Variants in RFX8 observed in about 807,000 individuals in gnomAD.
RFX8 encodes the protein DNA-binding protein RFX8.
Under a neutral mutation model 54.6 loss-of-function variants are expected in RFX8, and 46 were observed. That is an observed-to-expected ratio of 0.84 (90% CI 0.67 to 1.08). The LOEUF (loss-of-function observed/expected upper bound fraction) is 1.08. RFX8 is among the 50% of genes least tolerant of loss of function. The pLI, the probability that RFX8 is intolerant of heterozygous loss-of-function variation, is 0.00. For missense variants in RFX8, 536 were observed against 562.3 expected (o/e 0.95, Z 0.47); for synonymous variants, 192 against 209.5 (o/e 0.92, Z 0.72).
intron 4 of RFX8, among the ~76,000 whole-genome samples, chr2:101,420,260 G>C (rs1686785945): frequency 6.6e-6 from 1 of 152,082 alleles, no homozygotes; most frequent in Non-Finnish European, 1.5e-5. Context: ...ATAAAATCTA[G>C]GCTGGGCGCG....
chr2:101,466,304 T>C (rs1689569893), intron 2 of RFX8, among the ~76,000 whole-genome samples: 1 of 98,302 alleles, frequency 1.0e-5, no homozygotes, highest in South Asian at 3.8e-4. Context: ...GGAAATTCTA[T>C]CTCGGAAAAA....
chr2:101,451,689 C>A (rs1394176300), intron 2 of RFX8, among the ~76,000 whole-genome samples: 203 of 111,566 alleles, frequency 1.8e-3, no homozygotes, highest in African/African-American at 2.5e-3. Flanking sequence ...AACTCCGTCT[C>A]AAAAAAAAAA....
chr2:101,401,176 G>A (rs904120816), intron 11 of RFX8, among the ~76,000 whole-genome samples: 3 of 152,172 alleles, frequency 2.0e-5, no homozygotes, highest in East Asian at 1.9e-4. Flanking sequence ...AGCTGGATAC[G>A]TGACTTACTA....
intron 6 of RFX8, among the ~76,000 whole-genome samples, chr2:101,416,893 C>A (rs1185280100): frequency 6.6e-6 from 1 of 152,102 alleles, no homozygotes; most frequent in Admixed American, 6.6e-5. Flanking sequence ...TGCCTGGCAG[C>A]CAGACAGAAG....
chr2:101,467,338 G>T (rs370252188), intron 1 of RFX8, among the ~76,000 whole-genome samples: 2 of 152,126 alleles, frequency 1.3e-5, no homozygotes, highest in African/African-American at 2.4e-5. Flanking sequence ...GCAGGTGACC[G>T]CAGGGGCCAG....
intron 2 of RFX8, among the ~76,000 whole-genome samples, chr2:101,455,063 T>G (rs1573466505): frequency 6.6e-6 from 1 of 151,566 alleles, no homozygotes; most frequent in South Asian, 2.1e-4. Flanking sequence ...TGCCGTGGAG[T>G]GCAATGGCAC....
chr2:101,422,526 G>A, intron 2 of RFX8, 54 bp from the exon 3 acceptor site: 1 of 1,093,902 alleles, frequency 9.1e-7, no homozygotes, highest in Non-Finnish European at 1.4e-6. Context: ...ACTTTTTTTG[G>A]CATATAAATC....
chr2:101,465,934 C>T (rs957762566), intron 2 of RFX8, among the ~76,000 whole-genome samples: 4 of 152,122 alleles, frequency 2.6e-5, no homozygotes, highest in Non-Finnish European at 4.4e-5. Context: ...AAAGGGAAGA[C>T]AGGGAGAGGT....
chr2:101,438,651 C>T (rs1687916019), intron 2 of RFX8, among the ~76,000 whole-genome samples: 1 of 152,186 alleles, frequency 6.6e-6, no homozygotes, highest in Non-Finnish European at 1.5e-5. Flanking sequence ...TAATAAGAAA[C>T]TGCCAAACTG....
chr2:101,462,665 A>G (rs1392438930), intron 2 of RFX8, among the ~76,000 whole-genome samples: 1 of 75,426 alleles, frequency 1.3e-5, no homozygotes, highest in African/African-American at 4.8e-5. Flanking sequence ...AATAGGTACT[A>G]TTATTAATAT....
chr2:101,432,117 G>T (rs1687519214), intron 2 of RFX8, among the ~76,000 whole-genome samples: 1 of 152,144 alleles, frequency 6.6e-6, no homozygotes, highest in South Asian at 2.1e-4. Context: ...GAATGGCAAG[G>T]CTGTCTCTTT....
chr2:101,400,816 A>T (rs192245202), intron 11 of RFX8, among the ~76,000 whole-genome samples: 1 of 152,278 alleles, frequency 6.6e-6, no homozygotes, highest in East Asian at 1.9e-4. Context: ...AATGCTCCAG[A>T]GTACACTCAG....
chr2:101,410,835 G>A (rs1214497142), intron 8 of RFX8, 122 bp from the exon 9 acceptor site: 2 of 615,730 alleles, frequency 3.2e-6, no homozygotes, highest in South Asian at 2.0e-5. Context: ...GGACTCCCCA[G>A]GGCCTCATGC....
intron 4 of RFX8, among the ~76,000 whole-genome samples, chr2:101,419,401 G>C (rs1220543641): frequency 6.6e-6 from 1 of 152,170 alleles, no homozygotes; most frequent in Admixed American, 6.5e-5. Context: ...TTGCCATCAA[G>C]TTAGAAGTCA....
Position 101,417,741 on chromosome 2 carries a change from G to A in RFX8, c.352-57C>T, listed in dbSNP as rs565025939. The A allele has an allele frequency of 3.6e-5, 51 of 1,400,394 alleles. No homozygotes were observed. The African/African-American group carries it at 6.8e-4, about 19-fold the overall frequency. 86.7% of individuals were successfully genotyped at this position (1,400,394 alleles called of 1,614,324 possible). On this transcript the variant is annotated intron_variant, in intron 5 of 11. Transcript: ENST00000428343. ...TGCTGATGGTGCAGGTGTGGCTGAA[G>A]CTTATGCATGCCACAGGGACAGGGC... is the stretch of plus-strand genomic sequence containing the variant.
At position 101,466,811 on chromosome 2, in the gene RFX8, G is replaced by A. The variant is rs564114502; in HGVS notation, c.38C>T (p.Thr13Ile). The A allele has an allele frequency of 6.4e-7, 1 of 1,551,648 alleles. No individual in the cohort carries two copies. The highest frequency in any genetic ancestry group is 8.7e-7 in the Non-Finnish European group (1 of 1,146,932). ...GGTGGCCGGGTTGACTTGGTTCTCAGTGTTTTGCCCACAGGTCTCCACGTA... is the reference window on the plus strand; with the variant it reads ...GGTGGCCGGGTTGACTTGGTTCTCAATGTTTTGCCCACAGGTCTCCACGTA... ...EIYVETCGQNTENQVNPATFG... is the reference protein window; with the variant it reads ...EIYVETCGQNIENQVNPATFG... Residue 13 changes from threonine to isoleucine, a missense_variant, in exon 2 of 12, where the codon ACT becomes ATT. By Grantham distance (89) the Thr-to-Ile change is moderately conservative. Coordinates refer to ENST00000428343, the MANE Select transcript of RFX8 (RefSeq NM_001145664.2).
intron 1 of RFX8, among the ~76,000 whole-genome samples, chr2:101,469,079 A>ATATATATGTATATATATAT: frequency 9.0e-5 from 1 of 11,088 alleles, no homozygotes; most frequent in Admixed American, 1.6e-3. Context: ...TATATATATA[A>ATATATATGTATATATATAT]GTGTATATAT....
chr2:101,448,925 T>C (rs1325913770), intron 2 of RFX8, among the ~76,000 whole-genome samples: 1 of 152,220 alleles, frequency 6.6e-6, no homozygotes, highest in Non-Finnish European at 1.5e-5. Context: ...GTTGTATGGA[T>C]GGACAGTGGT....
chr2:101,401,044 T>C (rs1685411813), intron 11 of RFX8, among the ~76,000 whole-genome samples: 1 of 152,326 alleles, frequency 6.6e-6, no homozygotes, highest in Admixed American at 6.5e-5. Context: ...TTGGGGTCAG[T>C]GTTTCGCTGC....
Sources: allele counts gnomAD v4.1 joint callset (sites outside exome capture counted in the v4.1 genomes callset), GRCh38; gene constraint gnomAD v4.1.1; transcripts MANE v1.5; gene names NCBI Gene and HGNC (gene_info 2026-07-23, HGNC 2026-07-21).